The following B4GALT5 variants were observed in gnomAD, a reference collection of about 807,000 sequenced individuals.
The protein encoded by B4GALT5 is beta-1,4-galactosyltransferase 5.
Under a neutral mutation model 45.0 loss-of-function variants are expected in B4GALT5, and 11 were observed. The observed-to-expected ratio is 0.24, with a 90% CI of 0.15 to 0.40. The LOEUF is 0.40. B4GALT5 is among the 10% of genes least tolerant of loss of function. The probability of loss-of-function intolerance (pLI) is 1.00; values close to 1 mark genes in which losing one functional copy is unlikely to be tolerated. For missense variants in B4GALT5, 337 were observed against 500.2 expected (o/e 0.67, Z 3.11); for synonymous variants, 185 against 182.9 (o/e 1.01, Z -0.09).
chr20:49,656,586 T>C lies in B4GALT5; in HGVS notation c.232A>G (p.Ser78Gly). 6.2e-7 allele frequency: 1 copy of C among 1,614,224 alleles called. No homozygotes were observed. The highest frequency in any genetic ancestry group is 8.5e-7 in the Non-Finnish European group (1 of 1,180,032). The change falls in exon 2 of 9, where the codon AGC (serine) becomes GGC (glycine). Residue 78 changes from serine (S) to glycine (G), a missense_variant. Coordinates refer to ENST00000371711, the MANE Select transcript of B4GALT5 (RefSeq NM_004776.4). ...VLRSAYAKRN[S>G]SVNDSDYPLD... The stretch of plus-strand genomic sequence containing the variant: ...AATATACCTGAGTCATTTACACTGC[T>C]GTTCCTCTTGGCATAAGCACTCCGA...
chr20:49,704,042 T>C (rs1402620905), intron 1 of B4GALT5, among the ~76,000 whole-genome samples: 1 of 152,212 alleles, frequency 6.6e-6, no homozygotes, highest in African/African-American at 2.4e-5. Flanking sequence ...CTTTTTCAAT[T>C]ACATAAGCAA....
chr20:49,697,115 C>A (rs1250006428), intron 1 of B4GALT5, among the ~76,000 whole-genome samples: 1 of 152,200 alleles, frequency 6.6e-6, no homozygotes, highest in East Asian at 1.9e-4. Context: ...GCCTCCTTAC[C>A]CTTCTAAGCT....
At chr20:49,693,982 T>C (rs1342735294) in intron 1 of B4GALT5, among the ~76,000 whole-genome samples, 2 of 152,182 alleles carry the variant, frequency 1.3e-5, no homozygotes, top group African/African-American at 4.8e-5. Context: ...AGTGACAGGA[T>C]GGACACCTCA....
intron 1 of B4GALT5, among the ~76,000 whole-genome samples, chr20:49,713,303 C>A (rs2085927256): frequency 8.8e-6 from 1 of 113,544 alleles, no homozygotes; most frequent in South Asian, 3.0e-4. Flanking sequence ...GAGCAAGGGG[C>A]GGGCGTGAAG....
rs558802957 is a variant in B4GALT5, at chr20:49,642,016, A to G, written c.606+452T>C. Among the ~76,000 whole-genome samples, 34 of 152,240 alleles carry G rather than the reference A, an allele frequency of 2.2e-4. No individual in the cohort carries two copies. In the South Asian group the frequency reaches 6.8e-3, roughly 31 times the overall value. ...CCTCTATATCTGGTTCCCTACCAATATTTTTAAGATTAAAACAAAACCAAA... is the reference window on the plus strand; with the variant it reads ...CCTCTATATCTGGTTCCCTACCAATGTTTTTAAGATTAAAACAAAACCAAA... On this transcript the variant is annotated intron_variant, in intron 5 of 8. Transcript: ENST00000371711.
chr20:49,673,108 G>A (rs552123152), intron 1 of B4GALT5, among the ~76,000 whole-genome samples: 2 of 152,074 alleles, frequency 1.3e-5, no homozygotes, highest in African/African-American at 4.8e-5. Flanking sequence ...TTGGCCAGGC[G>A]CAGTGGCTCA....
At chr20:49,651,996 T>C (rs541723568) in intron 2 of B4GALT5, among the ~76,000 whole-genome samples, 187 of 152,212 alleles carry the variant, frequency 1.2e-3, no homozygotes, top group African/African-American at 4.3e-3. Context: ...GGAGAATCAC[T>C]TGAATCTAGG....
chr20:49,655,823 G>A (rs1400765985), intron 2 of B4GALT5, among the ~76,000 whole-genome samples: 2 of 151,594 alleles, frequency 1.3e-5, no homozygotes, highest in East Asian at 1.9e-4. Flanking sequence ...CAGCTACTCA[G>A]GAGGCTGAGG....
intron 1 of B4GALT5, among the ~76,000 whole-genome samples, chr20:49,674,584 G>C (rs567576502): frequency 1.4e-4 from 22 of 151,774 alleles, no homozygotes; most frequent in African/African-American, 5.1e-4. Flanking sequence ...GACTGCTCAT[G>C]GAAGGGGAAG....
chr20:49,636,563 GGCAGCACTTCT>G, intron 8 of B4GALT5, 104 bp from the exon 9 acceptor site: 1 of 1,325,086 alleles, frequency 7.5e-7, no homozygotes, highest in Middle Eastern at 2.1e-4. Context: ...CGCAACCCAT[GGCAGCACTTCT>G]GCAGCACAAG....
At chr20:49,656,499 A>G (rs2085643526) in intron 2 of B4GALT5, 69 bp downstream of exon 2, 1 of 1,578,080 alleles carries the variant, frequency 6.3e-7, no homozygotes, top group African/African-American at 1.4e-5. Context: ...GAAAATAATT[A>G]TTGCAACCGA....
intron 1 of B4GALT5, among the ~76,000 whole-genome samples, chr20:49,683,660 C>T (rs182158642): frequency 4.6e-5 from 7 of 151,802 alleles, no homozygotes; most frequent in Non-Finnish European, 7.4e-5. Context: ...ATTTGCCCAC[C>T]TCGGCCTCCC....
At position 49,636,148 on chromosome 20, in the gene B4GALT5, C is replaced by T. The variant is rs148796938; in HGVS notation, c.*164G>A. ...GTTCCAGCGGCTGATCCAGTGAAGGCGTTTGTGCGTGTGCTGTCACATTTT... is the reference window on the plus strand; with the variant it reads ...GTTCCAGCGGCTGATCCAGTGAAGGTGTTTGTGCGTGTGCTGTCACATTTT... On this transcript the variant is annotated 3_prime_UTR_variant, in exon 9 of 9. Coordinates refer to ENST00000371711, the MANE Select transcript of B4GALT5 (RefSeq NM_004776.4). The T allele has an allele frequency of 3.5e-6, 3 of 867,362 alleles. No homozygotes were observed. Among genetic ancestry groups the T allele is most frequent in the African/African-American group, 3.4e-5 (2 of 58,834 alleles). The allele number at this position is 867,362 out of a possible 1,614,324, so 53.7% of individuals were successfully genotyped here. A position where few individuals can be genotyped will look rare whatever the true frequency, so the allele number is the denominator to read the frequency against.
At chr20:49,704,105 T>A (rs1014209605) in intron 1 of B4GALT5, among the ~76,000 whole-genome samples, 2 of 152,166 alleles carry the variant, frequency 1.3e-5, no homozygotes, top group Non-Finnish European at 2.9e-5. Flanking sequence ...ACCAGCCAAG[T>A]CTACCAATCA....
chr20:49,636,273 TTGG>T lies in B4GALT5; in HGVS notation c.*36_*38del. 6.2e-7 allele frequency: 1 copy of T among 1,609,906 alleles called. No homozygotes were observed. Among genetic ancestry groups the T allele is most frequent in the Non-Finnish European group, 8.5e-7 (1 of 1,177,634 alleles). On this transcript the variant is annotated 3_prime_UTR_variant, in exon 9 of 9. Coordinates refer to ENST00000371711, the MANE Select transcript of B4GALT5 (RefSeq NM_004776.4). The stretch of plus-strand genomic sequence containing the variant: ...AAAAAAATCTCATCGGACTGCTTTC[TTGG>T]TGGCGGTGGGTAAAGCAAACGTACA...
At chr20:49,700,793 A>T (rs1293676967) in intron 1 of B4GALT5, among the ~76,000 whole-genome samples, 1 of 152,242 alleles carries the variant, frequency 6.6e-6, no homozygotes, top group Non-Finnish European at 1.5e-5. Flanking sequence ...GGATGGTGAA[A>T]GATTTCATCA....
At chr20:49,689,456 G>A (rs148339071) in intron 1 of B4GALT5, among the ~76,000 whole-genome samples, 313 of 152,200 alleles carry the variant, frequency 2.1e-3, no homozygotes, top group Non-Finnish European at 3.7e-3. Flanking sequence ...TCTAATCACC[G>A]ATGTGAAAAT....
chr20:49,710,405 CT>C lies in B4GALT5; in HGVS notation c.115+3170del, dbSNP rs751939911. Among the ~76,000 whole-genome samples the C allele has an allele frequency of 2.4e-3, 245 of 102,430 alleles. 1 individual carries two copies. Among genetic ancestry groups the C allele is most frequent in the Middle Eastern group, 0.016 (3 of 190 alleles). 67.2% of individuals were successfully genotyped at this position (102,430 alleles called of 152,430 possible). A position where few individuals can be genotyped will look rare whatever the true frequency, so the allele number is the denominator to read the frequency against. ...TGTTATTTTCTGTTATTTTCTCTCT[CT>C]TTTTTTTTTTTTTGTGTGTGTGTGT... On this transcript the variant is annotated intron_variant, in intron 1 of 8. Coordinates refer to ENST00000371711, the MANE Select transcript of B4GALT5 (RefSeq NM_004776.4).
rs141210680 is a variant in B4GALT5, at chr20:49,694,658, A to AGGAAAGGGAAAGGGAAAGGGAAAG, written c.115+18894_115+18917dup. On this transcript the variant is annotated intron_variant, in intron 1 of 8. Coordinates refer to ENST00000371711, the MANE Select transcript of B4GALT5 (RefSeq NM_004776.4). ...CTGAGAAGGGAAAGGGAAAGGGAAA[A>AGGAAAGGGAAAGGGAAAGGGAAAG]GGAAAGGGAAAGGGAAAGGGAAAGG... Among the ~76,000 whole-genome samples, 267 of 143,032 alleles carry AGGAAAGGGAAAGGGAAAGGGAAAG rather than the reference A, an allele frequency of 1.9e-3. 4 individuals are homozygous for AGGAAAGGGAAAGGGAAAGGGAAAG. In the East Asian group the frequency reaches 0.024, roughly 13 times the overall value. The allele number at this position is 143,032 out of a possible 152,430, so 93.8% of individuals were successfully genotyped here. A position where few individuals can be genotyped will look rare whatever the true frequency, so the allele number is the denominator to read the frequency against.
Sources: allele counts gnomAD v4.1 joint callset (sites outside exome capture counted in the v4.1 genomes callset), GRCh38; gene constraint gnomAD v4.1.1; transcripts MANE v1.5; gene names NCBI Gene and HGNC (gene_info 2026-07-23, HGNC 2026-07-21).